Variants in ATG9B observed in about 807,000 individuals in gnomAD.
The protein encoded by ATG9B is autophagy-related protein 9B.
ATG9B carries 92 observed loss-of-function variants against 92.9 expected under a neutral mutation model. The observed-to-expected ratio is 0.99, with a 90% CI of 0.84 to 1.18. The LOEUF (loss-of-function observed/expected upper bound fraction) is 1.18. ATG9B is among the 50% of genes most tolerant of loss of function. ATG9B has a pLI of 0.00. For missense variants in ATG9B, 1,344 were observed against 1,235.0 expected (o/e 1.09, Z -1.32); for synonymous variants, 599 against 551.4 (o/e 1.09, Z -1.21).
intron 11 of ATG9B, 38 bp downstream of exon 11, chr7:151,016,393 T>G (rs1255785925): frequency 6.5e-7 from 1 of 1,543,894 alleles, no homozygotes. Context: ...TCACCTGCCT[T>G]CTCTCCACAT....
At position 151,017,851 on chromosome 7, in the gene ATG9B, G is replaced by A; in HGVS notation, c.2052+20C>T. On this transcript the variant is annotated intron_variant, in intron 8 of 13. Coordinates refer to ENST00000639579, the MANE Select transcript of ATG9B (RefSeq NM_001317056.2). ...ACTCCCACCCAGCCCAAACCCCCAG[G>A]GCCAGGGAACGGCTCTGACCTGAGG... 6.3e-7 allele frequency: 1 copy of A among 1,579,008 alleles called. No homozygotes were observed. Among genetic ancestry groups the A allele is most frequent in the Non-Finnish European group, 8.6e-7 (1 of 1,160,410 alleles).
intron 4 of ATG9B, among the ~76,000 whole-genome samples, chr7:151,021,559 ACT>A (rs1229353347): frequency 6.6e-6 from 1 of 151,860 alleles, no homozygotes; most frequent in Non-Finnish European, 1.5e-5. Flanking sequence ...TCATTCTTGT[ACT>A]CTGAGAGTAC....
At chr7:151,023,630 T>TG in intron 2 of ATG9B, 57 bp downstream of exon 2, 1 of 1,610,542 alleles carries the variant, frequency 6.2e-7, no homozygotes, top group Non-Finnish European at 8.5e-7. Flanking sequence ...CCAAGAACAG[T>TG]GCCAGCTCCA....
rs774220935 is a variant in ATG9B at position 151,023,201 on chromosome 7, A to C, written c.665T>G (p.Phe222Cys). 6.2e-7 allele frequency: 1 copy of C among 1,614,188 alleles called. No homozygotes were observed. Among genetic ancestry groups the C allele is most frequent in the South Asian group, 1.1e-5 (1 of 91,080 alleles). Residue 222 changes from phenylalanine to cysteine, a missense_variant, in exon 4 of 14, where the codon TTT becomes TGT. By Grantham distance (205) the Phe-to-Cys change is radical. Transcript: ENST00000639579. The stretch of plus-strand genomic sequence containing the variant: ...GGTTGTGAAGGTGACAATGAAAATA[A>C]ATTGTCTGCCGGGAGGAAGGGGGGG... ...LLEDVFQLGQFIFIVTFTTFL... is the reference protein window; with the variant it reads ...LLEDVFQLGQCIFIVTFTTFL...
chr7:151,016,903 A>G, intron 9 of ATG9B, 82 bp from the exon 10 acceptor site: 3 of 1,536,574 alleles, frequency 2.0e-6, no homozygotes, highest in South Asian at 2.5e-5. Context: ...CAGAGGCCTA[A>G]AGAAGGCAGG....
At chr7:151,017,556 C>G (rs1263086000) in intron 8 of ATG9B, among the ~76,000 whole-genome samples, 1 of 152,170 alleles carries the variant, frequency 6.6e-6, no homozygotes, top group African/African-American at 2.4e-5. Context: ...GCCCCACCCA[C>G]CGGCCAAGCC....
At chr7:151,023,539 G>A in intron 2 of ATG9B, 30 bp from the exon 3 acceptor site, 1 of 1,612,746 alleles carries the variant, frequency 6.2e-7, no homozygotes, top group South Asian at 1.1e-5. Flanking sequence ...CAAGCCTGAG[G>A]CACGGGGGGC....
At chr7:151,023,608 G>A (rs1019565018) in intron 2 of ATG9B, 79 bp downstream of exon 2, 59 of 1,609,192 alleles carry the variant, frequency 3.7e-5, no homozygotes, top group South Asian at 2.0e-4. Context: ...ACGCCCTCAC[G>A]GAGTCTCCCT....
At position 151,018,012 on chromosome 7, in the gene ATG9B, G is replaced by T. The variant is rs564731056; in HGVS notation, c.1911C>A (p.Thr637=). Reference sequence around the variant, plus strand: ...GGAACCAGAAAAGCAGAAACAGCGGGGTGAGGAGCGGGGACAGGAGCTCCT... The same window carrying T: ...GGAACCAGAAAAGCAGAAACAGCGGTGTGAGGAGCGGGGACAGGAGCTCCT... ...LLEELLSPLL[T]PLFLLFWFRP... is the part of the protein sequence containing the mutation. Residue 637 remains threonine, a synonymous_variant, in exon 8 of 14, where the codon ACC becomes ACA. Transcript: ENST00000639579. This position sits in a 1 kb window ranked among gnomAD's most constrained non-coding sequence, Gnocchi z 4.7. The T allele has an allele frequency of 8.1e-6, 13 of 1,600,862 alleles. No homozygotes were observed. In the Admixed American group the frequency reaches 2.1e-4, roughly 25 times the overall value.
Position 151,017,223 on chromosome 7 carries a change from T to C in ATG9B, c.2102A>G (p.Asp701Gly). The C allele has an allele frequency of 6.2e-7, 1 of 1,610,414 alleles. No individual in the cohort carries two copies. The change falls in exon 9 of 14, where the codon GAC becomes GGC. Residue 701 changes from aspartate (D) to glycine (G), a missense_variant. Physicochemically the swap from Asp to Gly is moderately conservative, Grantham distance 94. Coordinates refer to ENST00000639579, the MANE Select transcript of ATG9B (RefSeq NM_001317056.2). ...CATCAAAGAAAGCTCAGTCTTGCCGTCCTCCGCACGCTGAGACAGCGAGGC... is the reference window on the plus strand; with the variant it reads ...CATCAAAGAAAGCTCAGTCTTGCCGCCCTCCGCACGCTGAGACAGCGAGGC... Reference protein sequence around the residue: ...TEASLSQRAEDGKTELSLMRF... With the variant: ...TEASLSQRAEGGKTELSLMRF...
In ATG9B at chr7:151,018,782, G is replaced by GGCGCAGCGGT. The variant is rs1290136615; in HGVS notation, c.1546_1555dup (p.Pro519HisfsTer177). 8.6e-6 allele frequency: 12 copies of GGCGCAGCGGT among 1,401,376 alleles called. No homozygotes were observed. The highest frequency in any genetic ancestry group is 9.2e-6 in the Non-Finnish European group (10 of 1,081,084). The allele number at this position is 1,401,376 out of a possible 1,614,324, so 86.8% of individuals were successfully genotyped here. A position where few individuals can be genotyped will look rare whatever the true frequency, so the allele number is the denominator to read the frequency against. ...CAGCAGCGTGCGCAGGGGCGCGGGG[G>GGCGCAGCGGT]GCGCAGCGGTGCGCAGGAAGGCGGC... On this transcript the variant is annotated frameshift_variant, in exon 6 of 14. Coordinates refer to ENST00000639579, the MANE Select transcript of ATG9B (RefSeq NM_001317056.2). LOFTEE classifies it high-confidence loss of function. This position sits in a 1 kb window ranked among gnomAD's most constrained non-coding sequence, Gnocchi z 4.7.
At chr7:151,013,281 C>G (rs1207037422), downstream of ATG9B, 1 of 1,614,110 alleles carries the variant, frequency 6.2e-7, no homozygotes. Context: ...ATGCTCCCAA[C>G]TTGACCATCT....
rs1795868859 is a variant in ATG9B, at chr7:151,024,221, G to T, written c.203C>A (p.Pro68His). 2 of 1,486,034 alleles carry T rather than the reference G, an allele frequency of 1.3e-6. No homozygotes were observed. The highest frequency in any genetic ancestry group is 4.7e-5 in the East Asian group (2 of 42,580). 92.1% of individuals were successfully genotyped at this position (1,486,034 alleles called of 1,614,324 possible). A position where few individuals can be genotyped will look rare whatever the true frequency, so the allele number is the denominator to read the frequency against. ...HTRSSPSSFS[P>H]PTAGPPCSVL... ...TGAGCAAGGGGGCCCTGCGGTGGGAGGGGAAAATGAGGAGGGGGAGCTTCT... is the reference window on the plus strand; with the variant it reads ...TGAGCAAGGGGGCCCTGCGGTGGGATGGGAAAATGAGGAGGGGGAGCTTCT... Residue 68 changes from proline to histidine, a missense_variant, in exon 1 of 14, where the codon CCT (proline) becomes CAT (histidine). By Grantham distance (77) the Pro-to-His change is moderately conservative. Coordinates refer to ENST00000639579, the MANE Select transcript of ATG9B (RefSeq NM_001317056.2).
At position 151,024,085 on chromosome 7, in the gene ATG9B, G is replaced by C. The variant is rs1795860471; in HGVS notation, c.339C>G (p.Ser113=). 2 of 1,604,248 alleles carry C rather than the reference G, an allele frequency of 1.2e-6. No individual in the cohort carries two copies. The highest frequency in any genetic ancestry group is 8.5e-7 in the Non-Finnish European group (1 of 1,175,850). Residue 113 remains serine, a synonymous_variant, in exon 1 of 14, where the codon TCC becomes TCG. Transcript: ENST00000639579. The part of the protein sequence containing the change: ...PAMTPASASP[S]WGSHSTPPLA... The stretch of plus-strand genomic sequence containing the variant: ...GGGGTGGGGTGGAGTGGGATCCCCA[G>C]GAGGGAGATGCAGAGGCAGGTGTCA...
chr7:151,014,599 A>AG (rs1563239753), downstream of ATG9B: 2 of 156,566 alleles, frequency 1.3e-5, no homozygotes, highest in African/African-American at 5.1e-5. Context: ...TGTGGATTAC[A>AG]GTTTTTTTTT....
In ATG9B at chr7:151,024,420, C is replaced by T; in HGVS notation, c.4G>A (p.Val2Met). Residue 2 changes from valine (V) to methionine (M), a missense_variant, in exon 1 of 14, where the codon GTG (valine) becomes ATG (methionine). Val to Met is a conservative substitution (Grantham distance 21). Transcript: ENST00000639579. ...CTCCCCCCCCAGCCCATTCGGCTCA[C>T]CATCAGGCCACGGCTTCTCCAGAAA... M[V>M]SRMGWGGRRR... The T allele has an allele frequency of 7.4e-7, 1 of 1,357,404 alleles. No homozygotes were observed. Among genetic ancestry groups the T allele is most frequent in the Non-Finnish European group, 9.5e-7 (1 of 1,049,766 alleles). 84.1% of individuals were successfully genotyped at this position (1,357,404 alleles called of 1,614,324 possible). A position where few individuals can be genotyped will look rare whatever the true frequency, so the allele number is the denominator to read the frequency against.
rs772606625 is a variant in ATG9B at position 151,018,477 on chromosome 7, G to T, written c.1719-30C>A. ...AAGGCGGGATCCGTGGGGGGAAGGGGCCTGCGATTAGGAGGACGCGCGGTG... is the reference window on the plus strand; with the variant it reads ...AAGGCGGGATCCGTGGGGGGAAGGGTCCTGCGATTAGGAGGACGCGCGGTG... On this transcript the variant is annotated intron_variant, in intron 6 of 13. Transcript: ENST00000639579. The surrounding 1 kb of genome is among the most constrained non-coding windows in gnomAD (Gnocchi z 4.7). The T allele has an allele frequency of 6.6e-6, 10 of 1,519,788 alleles. No individual in the cohort carries two copies. The highest frequency in any genetic ancestry group is 8.8e-6 in the Non-Finnish European group (10 of 1,134,900). The allele number at this position is 1,519,788 out of a possible 1,614,324, so 94.1% of individuals were successfully genotyped here.
downstream of ATG9B, chr7:151,012,988 C>T (rs1033264202): frequency 5.7e-6 from 3 of 527,842 alleles, no homozygotes; most frequent in African/African-American, 5.9e-5. Context: ...CGAAGCCGCG[C>T]ATTCTAGCGC....
In ATG9B at chr7:151,018,084, G is replaced by A; in HGVS notation, c.1873-34C>T. The stretch of plus-strand genomic sequence containing the variant: ...GCAGCGGTGAGGCTGAGCAGGGGTC[G>A]CTGAGGGGCCCACGCGCGTTATCAG... On this transcript the variant is annotated intron_variant, in intron 7 of 13. Transcript: ENST00000639579. The surrounding 1 kb of genome is among the most constrained non-coding windows in gnomAD (Gnocchi z 4.7). 1 of 1,543,542 alleles carries A rather than the reference G, an allele frequency of 6.5e-7. No individual in the cohort carries two copies. Among genetic ancestry groups the A allele is most frequent in the Non-Finnish European group, 8.7e-7 (1 of 1,144,052 alleles).
Sources: allele counts gnomAD v4.1 joint callset (sites outside exome capture counted in the v4.1 genomes callset), GRCh38; gene constraint gnomAD v4.1.1; non-coding constraint Gnocchi (gnomAD v3.1); transcripts MANE v1.5; gene names NCBI Gene and HGNC (gene_info 2026-07-23, HGNC 2026-07-21).